RYR2: variants seen among roughly 807,000 people sequenced by gnomAD.
The protein encoded by RYR2 is ryanodine receptor 2.
In RYR2, 227 loss-of-function variants were observed where a neutral mutation model predicts 601.1. The observed-to-expected ratio is 0.38, with a 90% CI of 0.34 to 0.42. The LOEUF (loss-of-function observed/expected upper bound fraction) is 0.42, where lower values mean the gene tolerates loss of function less well. Among genes scored for constraint, RYR2 ranks in the 10% least tolerant of loss-of-function variants. RYR2 has a pLI of 1.00. For synonymous variants in RYR2, 2,223 were observed against 2,175.1 expected (o/e 1.02, Z -0.61); for missense variants, 4,646 against 6,156.5 (o/e 0.75, Z 8.21).
chr1:237,051,318 C>A (rs1186876757), intron 1 of RYR2, among the ~76,000 whole-genome samples: 28 of 106,580 alleles, frequency 2.6e-4, no homozygotes, highest in African/African-American at 8.4e-4. Context: ...CTTTATCTCT[C>A]TCCCTCCCCT....
intron 1 of RYR2, among the ~76,000 whole-genome samples, chr1:237,237,805 C>G (rs1685704374): frequency 6.6e-6 from 1 of 151,988 alleles, no homozygotes; most frequent in African/African-American, 2.4e-5. Flanking sequence ...AGACATTTAC[C>G]ATCTGTTATC....
At chr1:237,070,434 G>A (rs926238870) in intron 1 of RYR2, among the ~76,000 whole-genome samples, 13 of 152,094 alleles carry the variant, frequency 8.5e-5, no homozygotes, top group African/African-American at 2.9e-4. Context: ...GGAGAATAAA[G>A]GTCTTATACT....
chr1:237,244,792 C>A (rs986255246), intron 1 of RYR2, among the ~76,000 whole-genome samples: 1 of 124,498 alleles, frequency 8.0e-6, no homozygotes. Flanking sequence ...CAATGAGCCC[C>A]GGGTATTTAC....
chr1:237,682,194 AC>A (rs1349554424), intron 62 of RYR2, among the ~76,000 whole-genome samples: 1 of 152,086 alleles, frequency 6.6e-6, no homozygotes, highest in African/African-American at 2.4e-5. Context: ...TGTTAATTAT[AC>A]CTCTATAAAG....
intron 34 of RYR2, among the ~76,000 whole-genome samples, chr1:237,598,578 T>C (rs1185384877): frequency 6.6e-6 from 1 of 152,094 alleles, no homozygotes; most frequent in African/African-American, 2.4e-5. Context: ...TAAATGAAGA[T>C]GTTAAAAAAG....
intron 27 of RYR2, 38 bp downstream of exon 27, chr1:237,550,729 A>C (rs1477411424): frequency 1.4e-5 from 22 of 1,528,774 alleles, no homozygotes; most frequent in Non-Finnish European, 1.8e-5. Flanking sequence ...CGGTTGCAAG[A>C]TGATGTAGTA....
chr1:237,300,010 A>G (rs1056249164), intron 2 of RYR2, among the ~76,000 whole-genome samples: 3 of 152,314 alleles, frequency 2.0e-5, no homozygotes, highest in African/African-American at 7.2e-5. Flanking sequence ...TGACATTCCT[A>G]TCCTTACCAT....
At chr1:237,646,167 G>A (rs978631211) in intron 48 of RYR2, among the ~76,000 whole-genome samples, 1 of 151,928 alleles carries the variant, frequency 6.6e-6, no homozygotes, top group East Asian at 2.0e-4. Flanking sequence ...GTGAGCCACC[G>A]TGCCCGGCCA....
chr1:237,071,085 A>G (rs1054634941), intron 1 of RYR2, among the ~76,000 whole-genome samples: 8 of 152,242 alleles, frequency 5.3e-5, no homozygotes, highest in African/African-American at 1.4e-4. Context: ...AGGTATGCAG[A>G]TAACTGGTGG....
At chr1:237,202,901 G>C (rs902582046) in intron 1 of RYR2, among the ~76,000 whole-genome samples, 2 of 152,156 alleles carry the variant, frequency 1.3e-5, no homozygotes, top group Non-Finnish European at 2.9e-5. Context: ...CATTGTGAAT[G>C]CTCAGCCCTT....
chr1:237,267,277 G>T (rs570476863), intron 1 of RYR2, among the ~76,000 whole-genome samples: 1 of 152,338 alleles, frequency 6.6e-6, no homozygotes, highest in Non-Finnish European at 1.5e-5. Context: ...CTGGCGCTTT[G>T]GGAGGCCGAG....
chr1:237,353,157 C>T (rs531167272), intron 3 of RYR2, among the ~76,000 whole-genome samples: 1 of 152,198 alleles, frequency 6.6e-6, no homozygotes, highest in Admixed American at 6.5e-5. Context: ...AATTATCCAT[C>T]TTAAACAGTA....
intron 81 of RYR2, 64 bp downstream of exon 81, chr1:237,756,451 T>C: frequency 9.4e-7 from 1 of 1,060,538 alleles, no homozygotes; most frequent in Non-Finnish European, 1.4e-6. Flanking sequence ...GCTCTCAAGG[T>C]CCTCCCTCAT....
chr1:237,563,628 C>A (rs186953338), intron 27 of RYR2, among the ~76,000 whole-genome samples: 4 of 152,136 alleles, frequency 2.6e-5, no homozygotes, highest in Non-Finnish European at 5.9e-5. Context: ...ATTGTTTCTA[C>A]TGCAATATAT....
chr1:237,726,358 T>C, intron 75 of RYR2, 50 bp downstream of exon 75: 1 of 1,212,914 alleles, frequency 8.2e-7, no homozygotes, highest in South Asian at 1.3e-5. Flanking sequence ...TTTAGGTTTA[T>C]ATGTTGGGAT....
At chr1:237,568,416 C>T (rs1031880555) in intron 28 of RYR2, among the ~76,000 whole-genome samples, 12 of 152,234 alleles carry the variant, frequency 7.9e-5, no homozygotes, top group Admixed American at 4.6e-4. Context: ...TATGAATCAA[C>T]GGAATATACT....
At chr1:237,626,749 T>C (rs901248751) in intron 40 of RYR2, among the ~76,000 whole-genome samples, 2 of 151,858 alleles carry the variant, frequency 1.3e-5, no homozygotes, top group African/African-American at 4.8e-5. Context: ...AGTTTTTATA[T>C]TTTTAGTAGA....
chr1:237,343,721 G>A (rs1698035776), intron 3 of RYR2, among the ~76,000 whole-genome samples: 1 of 152,074 alleles, frequency 6.6e-6, no homozygotes, highest in South Asian at 2.1e-4. Context: ...TTGAGGTACA[G>A]GCTCTAAAGC....
chr1:237,797,548 G>T (rs1489201897), intron 96 of RYR2, among the ~76,000 whole-genome samples: 2 of 152,230 alleles, frequency 1.3e-5, no homozygotes, highest in Non-Finnish European at 2.9e-5. Context: ...GGGGAGTCAG[G>T]CATGGCCTGG....
Sources: gnomAD v4.1 joint callset for allele counts (sites outside exome capture counted in the v4.1 genomes callset) on GRCh38, gnomAD v4.1.1 for gene constraint, MANE v1.5 for transcripts, NCBI Gene and HGNC (gene_info 2026-07-23, HGNC 2026-07-21) for gene names.